PEPD: variants seen among roughly 807,000 people sequenced by gnomAD.
PEPD encodes the protein xaa-Pro dipeptidase.
PEPD carries 53 observed loss-of-function variants against 60.7 expected under a neutral mutation model. The ratio of observed to expected loss-of-function variants is 0.87; its 90% CI spans 0.70 to 1.10. PEPD has a LOEUF of 1.10. Among genes scored for constraint, PEPD ranks in the 50% least tolerant of loss-of-function variants. The probability of loss-of-function intolerance (pLI) is 0.00; values close to 1 mark genes in which losing one functional copy is unlikely to be tolerated. For synonymous variants in PEPD, 267 were observed against 284.1 expected (o/e 0.94, Z 0.60); for missense variants, 711 against 711.9 (o/e 1.00, Z 0.01).
At chr19:33,388,352 C>T (rs1013412389) in intron 13 of PEPD, 14 of 625,764 alleles carry the variant, frequency 2.2e-5, no homozygotes, top group Non-Finnish European at 2.4e-5. Context: ...TGCACACACC[C>T]GGGGCAAGCT....
At chr19:33,414,180 G>C (rs1242333839) in intron 9 of PEPD, among the ~76,000 whole-genome samples, 2 of 152,304 alleles carry the variant, frequency 1.3e-5, no homozygotes, top group Non-Finnish European at 2.9e-5. Context: ...GCAGGGCAGG[G>C]TGGTCTCCAG....
Position 33,391,154 on chromosome 19 carries a change from CG to C in PEPD, c.1152+140del, listed in dbSNP as rs1968208251. 2.8e-5 allele frequency: 21 copies of C among 743,226 alleles called. 1 individual carries two copies. The South Asian group carries it at 3.1e-4, about 11-fold the overall frequency. 46.0% of individuals were successfully genotyped at this position (743,226 alleles called of 1,614,324 possible). A position where few individuals can be genotyped will look rare whatever the true frequency, so the allele number is the denominator to read the frequency against. On this transcript the variant is annotated intron_variant, in intron 13 of 14. Transcript: ENST00000244137. ...CCGATTCCCCCCTCCTCATGGCCTC[CG>C]TATACCACAGGGAGCCATGGGGCCC...
chr19:33,397,324 T>C (rs1968388484), intron 12 of PEPD, among the ~76,000 whole-genome samples: 1 of 151,666 alleles, frequency 6.6e-6, no homozygotes. Flanking sequence ...CTTTATTTAC[T>C]CTCCCTGGAA....
At chr19:33,500,529 A>T (rs1169080482) in intron 4 of PEPD, among the ~76,000 whole-genome samples, 3 of 152,210 alleles carry the variant, frequency 2.0e-5, no homozygotes, top group African/African-American at 7.2e-5. Context: ...CAAGCCTTTC[A>T]CAGCCTCGGG....
chr19:33,503,950 G>A (rs56151930), intron 3 of PEPD, among the ~76,000 whole-genome samples: 33,610 of 151,988 alleles, frequency 0.22, 4,059 homozygotes, highest in Non-Finnish European at 0.28. Flanking sequence ...CCAACTGTGC[G>A]GAGGGAAGCC....
intron 13 of PEPD, among the ~76,000 whole-genome samples, chr19:33,390,550 G>A (rs1968191976): frequency 6.6e-6 from 1 of 152,204 alleles, no homozygotes; most frequent in Non-Finnish European, 1.5e-5. Context: ...GGGCGTGCAC[G>A]ATTGCACAAT....
At chr19:33,493,387 T>A in intron 4 of PEPD, 50 bp from the exon 5 acceptor site, 1 of 1,251,028 alleles carries the variant, frequency 8.0e-7, no homozygotes, top group Non-Finnish European at 1.2e-6. Context: ...CTAAGCCTAA[T>A]GAAGATGACA....
chr19:33,388,198 G>A (rs1415504494), intron 13 of PEPD, 117 bp from the exon 14 acceptor site: 13 of 882,932 alleles, frequency 1.5e-5, no homozygotes, highest in Non-Finnish European at 2.4e-5. Context: ...TTGACCATTG[G>A]GGTCCTCAGC....
At position 33,387,413 on chromosome 19, in the gene PEPD, A is replaced by G. The variant is rs773154220; in HGVS notation, c.1413T>C (p.Thr471=). 10 of 1,613,956 alleles carry G rather than the reference A, an allele frequency of 6.2e-6. No individual in the cohort carries two copies. In the South Asian group the frequency reaches 6.6e-5, roughly 11 times the overall value. The change falls in exon 15 of 15, where the codon ACT becomes ACC. Residue 471 remains threonine (T), a synonymous_variant. Coordinates refer to ENST00000244137, the MANE Select transcript of PEPD (RefSeq NM_000285.4). ...CCATGCATGCTTCAATCTCTTCCACAGTGCGGGGCACGCAGGTCAGCAGCT... is the reference window on the plus strand; with the variant it reads ...CCATGCATGCTTCAATCTCTTCCACGGTGCGGGGCACGCAGGTCAGCAGCT... ...GIELLTCVPR[T]VEEIEACMAG... is the part of the protein sequence containing the mutation.
chr19:33,519,255 C>T (rs1007244213), intron 1 of PEPD, among the ~76,000 whole-genome samples: 1 of 152,162 alleles, frequency 6.6e-6, no homozygotes, highest in African/African-American at 2.4e-5. Context: ...TGAAACACCC[C>T]ACATCTTAAA....
intron 11 of PEPD, among the ~76,000 whole-genome samples, chr19:33,408,899 T>C (rs1323362076): frequency 6.6e-6 from 1 of 152,254 alleles, no homozygotes; most frequent in Non-Finnish European, 1.5e-5. Flanking sequence ...AATCTGGCAG[T>C]AGCAGTAATC....
At chr19:33,511,408 G>A (rs1402436706) in intron 2 of PEPD, 5 of 481,478 alleles carry the variant, frequency 1.0e-5, no homozygotes, top group Non-Finnish European at 1.9e-5. Flanking sequence ...ATGTGCCTGA[G>A]TCCACCTGTA....
At chr19:33,412,642 C>T (rs1389326282) in intron 10 of PEPD, among the ~76,000 whole-genome samples, 2 of 152,234 alleles carry the variant, frequency 1.3e-5, no homozygotes, top group East Asian at 1.9e-4. Context: ...TATTTATGGC[C>T]CTGCTCAGGA....
At chr19:33,408,537 G>T (rs761372929) in intron 11 of PEPD, among the ~76,000 whole-genome samples, 1 of 152,180 alleles carries the variant, frequency 6.6e-6, no homozygotes, top group Non-Finnish European at 1.5e-5. Context: ...GAAAAGGCTG[G>T]CCTCCTCTTA....
intron 9 of PEPD, among the ~76,000 whole-genome samples, chr19:33,421,711 T>A (rs1969023384): frequency 6.6e-6 from 1 of 151,956 alleles, no homozygotes; most frequent in African/African-American, 2.4e-5. Flanking sequence ...CCCAGGCTGG[T>A]TTGGAACTCC....
chr19:33,462,035 G>A lies in PEPD; in HGVS notation c.671+960C>T, dbSNP rs559220331. Reference sequence around the variant, plus strand: ...CTAAGCACAGCCACAGCGAACTGAAGCATCCAAGCAGCCCACTACGGGCCC... The same window carrying A: ...CTAAGCACAGCCACAGCGAACTGAAACATCCAAGCAGCCCACTACGGGCCC... On this transcript the variant is annotated intron_variant, in intron 9 of 14. Transcript: ENST00000244137. 6.6e-4 allele frequency among the ~76,000 whole-genome samples: 100 copies of A among 152,324 alleles called. No individual in the cohort carries two copies. In the South Asian group the frequency reaches 0.011, roughly 16 times the overall value.
intron 5 of PEPD, among the ~76,000 whole-genome samples, chr19:33,491,317 GT>G (rs1970495757): frequency 6.6e-6 from 1 of 151,986 alleles, no homozygotes; most frequent in South Asian, 2.1e-4. Flanking sequence ...GGGTGTGGTG[GT>G]GCATGCCTGT....
At chr19:33,505,211 G>A in intron 3 of PEPD, among the ~76,000 whole-genome samples, 1 of 152,086 alleles carries the variant, frequency 6.6e-6, no homozygotes, top group Non-Finnish European at 1.5e-5. Context: ...GGCCCGGCCT[G>A]CCTTCAGCTA....
chr19:33,498,685 G>A (rs1970653858), intron 4 of PEPD, among the ~76,000 whole-genome samples: 1 of 151,582 alleles, frequency 6.6e-6, no homozygotes. Flanking sequence ...CAGGATCCTT[G>A]AGACAGGGTC....
Sources: gnomAD v4.1 joint callset for allele counts (sites outside exome capture counted in the v4.1 genomes callset) on GRCh38, gnomAD v4.1.1 for gene constraint, MANE v1.5 for transcripts, NCBI Gene and HGNC (gene_info 2026-07-23, HGNC 2026-07-21) for gene names.